NFASC: variants seen among roughly 807,000 people sequenced by gnomAD.
NFASC encodes the protein neurofascin, also known as neurofascin homolog.
NFASC carries 43 observed loss-of-function variants against 147.5 expected under a neutral mutation model. That is an observed-to-expected ratio of 0.29 (90% CI 0.23 to 0.38). The LOEUF (loss-of-function observed/expected upper bound fraction) is 0.38, where lower values mean the gene tolerates loss of function less well. Ranked by LOEUF, NFASC falls within the 10% of genes least tolerant of loss-of-function variation. The pLI is 1.00. For missense variants in NFASC, 1,320 were observed against 1,689.0 expected (o/e 0.78, Z 3.83); for synonymous variants, 622 against 665.5 (o/e 0.93, Z 1.01).
At chr1:204,984,711 A>G (rs777456629) in intron 21 of NFASC, among the ~76,000 whole-genome samples, 2 of 152,154 alleles carry the variant, frequency 1.3e-5, no homozygotes, top group Non-Finnish European at 2.9e-5. Context: ...TATATGGACT[A>G]TCAAGGCTCT....
intron 1 of NFASC, among the ~76,000 whole-genome samples, chr1:204,898,685 C>G (rs1294573605): frequency 1.3e-5 from 2 of 152,146 alleles, no homozygotes; most frequent in African/African-American, 4.8e-5. Context: ...GGAGCAGAGA[C>G]CCAGTGCAGC....
intron 3 of NFASC, among the ~76,000 whole-genome samples, chr1:204,949,850 T>G (rs1285556321): frequency 6.6e-6 from 1 of 152,212 alleles, no homozygotes; most frequent in Non-Finnish European, 1.5e-5. Flanking sequence ...AGGTAGGAGC[T>G]GGGGGAGATT....
At chr1:204,958,784 GA>G (rs2094534525) in intron 8 of NFASC, among the ~76,000 whole-genome samples, 1 of 152,194 alleles carries the variant, frequency 6.6e-6, no homozygotes, top group Admixed American at 6.5e-5. Context: ...GCAAAGGTCA[GA>G]AAAAATAGGC....
intron 26 of NFASC, 27 bp downstream of exon 26, chr1:205,001,313 T>TGGC: frequency 1.3e-6 from 2 of 1,495,508 alleles, no homozygotes; most frequent in Non-Finnish European, 1.9e-6. Flanking sequence ...GGGGTGGTGG[T>TGGC]GGCGGCAGCG....
intron 1 of NFASC, among the ~76,000 whole-genome samples, chr1:204,877,956 C>T (rs937010765): frequency 1.3e-5 from 2 of 152,144 alleles, no homozygotes; most frequent in African/African-American, 2.4e-5. Context: ...ACACTGCAGC[C>T]CTTGATGGGT....
At chr1:204,855,147 T>C (rs1243059978) in intron 1 of NFASC, among the ~76,000 whole-genome samples, 1 of 152,240 alleles carries the variant, frequency 6.6e-6, no homozygotes, top group African/African-American at 2.4e-5. Context: ...GCAACAGTGC[T>C]CTTCGCACTA....
intron 1 of NFASC, among the ~76,000 whole-genome samples, chr1:204,891,528 C>T (rs1194403934): frequency 3.3e-5 from 5 of 152,140 alleles, no homozygotes; most frequent in African/African-American, 9.7e-5. Flanking sequence ...GCTAGGCATA[C>T]GTCGTGGCAC....
At position 205,009,875 on chromosome 1, in the gene NFASC, C is replaced by T. The variant is rs976461239; in HGVS notation, c.3421+187C>T. On this transcript the variant is annotated intron_variant, in intron 28 of 29. Transcript: ENST00000339876. ...AGCGAGCACTTGAGTTAATTAAGTT[C>T]GCCTGAGTTGGGCGGATGGCACAGT... 6.1e-5 allele frequency: 41 copies of T among 666,918 alleles called. No individual in the cohort carries two copies. In the East Asian group the frequency reaches 6.4e-4, roughly 10 times the overall value. The allele number at this position is 666,918 out of a possible 1,614,324, so 41.3% of individuals were successfully genotyped here.
chr1:204,945,435 C>T (rs936142668), intron 3 of NFASC, among the ~76,000 whole-genome samples: 15 of 152,204 alleles, frequency 9.9e-5, no homozygotes, highest in African/African-American at 3.6e-4. Flanking sequence ...AAGCCAGACC[C>T]CTGGTCCTGG....
intron 1 of NFASC, among the ~76,000 whole-genome samples, chr1:204,887,586 CTTTTTTTTTTTTT>C (rs200468415): frequency 1.3e-3 from 57 of 42,378 alleles, no homozygotes; most frequent in African/African-American, 3.8e-3. Flanking sequence ...GCCTGATTGG[CTTTTTTTTTTTTT>C]TTTTTTTTTT....
chr1:204,913,141 A>G (rs920907447), intron 1 of NFASC, among the ~76,000 whole-genome samples: 1 of 121,008 alleles, frequency 8.3e-6, no homozygotes, highest in African/African-American at 2.8e-5. Context: ...ATGCATAGTA[A>G]TAAACATAAA....
intron 28 of NFASC, 29 bp from the exon 29 acceptor site, chr1:205,012,768 C>A: frequency 6.4e-7 from 1 of 1,553,540 alleles, no homozygotes; most frequent in Non-Finnish European, 8.9e-7. Flanking sequence ...ATCGTCGTGT[C>A]TGTGTCTTTG....
chr1:205,016,425 T>C lies in NFASC; in HGVS notation c.3609T>C (p.Asn1203=). The C allele has an allele frequency of 1.1e-5, 18 of 1,614,088 alleles. No homozygotes were observed. Among genetic ancestry groups the C allele is most frequent in the Non-Finnish European group, 1.4e-5 (17 of 1,180,010 alleles). Residue 1203 remains asparagine (N), a synonymous_variant, in exon 30 of 30, where the codon AAT becomes AAC. Coordinates refer to ENST00000339876, the MANE Select transcript of NFASC (RefSeq NM_001005388.3). The surrounding 1 kb of genome is among the most constrained non-coding windows in gnomAD (Gnocchi z 5.1). ...DYGEGGEGQF[N]EDGSFIGQYT... is the part of the protein sequence containing the mutation. ...GCGAGGGTGGCGAGGGTCAGTTCAA[T>C]GAAGACGGCTCCTTCATCGGCCAGT...
At chr1:204,980,295 G>A in intron 19 of NFASC, 75 bp from the exon 20 acceptor site, 1 of 1,114,462 alleles carries the variant, frequency 9.0e-7, no homozygotes, top group Non-Finnish European at 1.4e-6. Flanking sequence ...CCATCAGGTA[G>A]GACAGAGGAA....
intron 3 of NFASC, chr1:204,946,961 C>G: frequency 2.8e-6 from 1 of 362,414 alleles, no homozygotes; most frequent in Non-Finnish European, 5.5e-6. Context: ...GCATCTGAAG[C>G]CCACAAGAAA....
intron 1 of NFASC, among the ~76,000 whole-genome samples, chr1:204,834,549 C>T (rs1289166118): frequency 2.0e-5 from 3 of 152,224 alleles, no homozygotes; most frequent in Admixed American, 2.0e-4. Flanking sequence ...TCCTCCCCTC[C>T]CGGGCTGGCC....
At chr1:204,887,586 CTTTTTTTTTTTTTTTTT>C (rs200468415) in intron 1 of NFASC, among the ~76,000 whole-genome samples, 11 of 42,336 alleles carry the variant, frequency 2.6e-4, no homozygotes, top group African/African-American at 8.8e-4. Context: ...GCCTGATTGG[CTTTTTTTTTTTTTTTTT>C]TTTTTTTTTT....
chr1:204,984,381 GCATATATATATATATATATA>G, intron 21 of NFASC: 1 of 74,452 alleles, frequency 1.3e-5, no homozygotes, highest in South Asian at 4.0e-4. Context: ...ATATATATAC[GCATATATATATATATATATA>G]TATATATATA....
At chr1:204,934,459 A>G (rs1296538559) in intron 2 of NFASC, among the ~76,000 whole-genome samples, 1 of 152,250 alleles carries the variant, frequency 6.6e-6, no homozygotes, top group Non-Finnish European at 1.5e-5. Context: ...GTAAATGTAT[A>G]TGTAATTAAA....
Sources: gnomAD v4.1 joint callset for allele counts (sites outside exome capture counted in the v4.1 genomes callset) on GRCh38, gnomAD v4.1.1 for gene constraint, Gnocchi (gnomAD v3.1) non-coding constraint, MANE v1.5 for transcripts, NCBI Gene and HGNC (gene_info 2026-07-23, HGNC 2026-07-21) for gene names.